FAT2: variants seen among roughly 807,000 people sequenced by gnomAD.
The protein encoded by FAT2 is protocadherin Fat 2.
In FAT2, 150 loss-of-function variants were observed where a neutral mutation model predicts 295.3. The observed-to-expected ratio is 0.51, with a 90% CI of 0.44 to 0.58. The LOEUF (loss-of-function observed/expected upper bound fraction) is 0.58. FAT2 is among the 20% of genes least tolerant of loss of function. FAT2 has a pLI of 0.00. For synonymous variants in FAT2, 2,026 were observed against 2,150.3 expected, an observed-to-expected ratio of 0.94 and a Z score of 1.60; for missense variants, 4,868 against 5,442.7, an observed-to-expected ratio of 0.89 and a Z score of 3.32.
rs1319752223 is a variant in FAT2, at chr5:151,512,622, A to G, written c.11464-16T>C. 6.3e-7 allele frequency: 1 copy of G among 1,578,916 alleles called. No homozygotes were observed. The highest frequency in any genetic ancestry group is 1.4e-5 in the African/African-American group (1 of 74,020). ...CACTGGCCAGCTGCAAAGGAAATCC[A>G]AACAGCCATCAGCAAAGCCAAGGAG... On this transcript the variant is annotated splice_polypyrimidine_tract_variant and intron_variant, in intron 20 of 23. Transcript: ENST00000261800. This position sits in a 1 kb window ranked among gnomAD's most constrained non-coding sequence, Gnocchi z 4.1.
intron 18 of FAT2, among the ~76,000 whole-genome samples, chr5:151,525,365 T>G (rs1753879551): frequency 6.6e-6 from 1 of 152,118 alleles, no homozygotes; most frequent in Non-Finnish European, 1.5e-5. Context: ...TGAGGTAGGT[T>G]GTTTTAGCTC....
At chr5:151,517,883 C>T (rs1753024136) in intron 19 of FAT2, 118 bp from the exon 20 acceptor site, 1 of 1,250,100 alleles carries the variant, frequency 8.0e-7, no homozygotes, top group African/African-American at 1.5e-5. Flanking sequence ...ATATTTTATA[C>T]ATGAAGAAAC....
intron 9 of FAT2, among the ~76,000 whole-genome samples, chr5:151,548,454 T>A (rs973711153): frequency 6.6e-6 from 1 of 152,182 alleles, no homozygotes; most frequent in African/African-American, 2.4e-5. Context: ...GGCATTTGTA[T>A]AATATTTCAA....
rs139971110 is a variant in FAT2, at chr5:151,550,596, T to C, written c.4572A>G (p.Thr1524=). The C allele has an allele frequency of 1.4e-5, 22 of 1,614,000 alleles. No individual in the cohort carries two copies. Among genetic ancestry groups the C allele is most frequent in the Non-Finnish European group, 1.9e-5 (22 of 1,179,994 alleles). The change falls in exon 8 of 24, where the codon ACA becomes ACG. Residue 1524 remains threonine (T), a synonymous_variant. Transcript: ENST00000261800. ...LGSGPSQHTL[T]VMVRDQEIPI... is the part of the protein sequence containing the mutation. ...GATTTTTCCATTTACTCACCATGAC[T>C]GTCAGTGTGTGCTGGGAGGGCCCCG...
chr5:151,538,731 G>A (rs1483955299), intron 11 of FAT2, among the ~76,000 whole-genome samples: 1 of 152,146 alleles, frequency 6.6e-6, no homozygotes, highest in Non-Finnish European at 1.5e-5. Context: ...AGGCTTGAGT[G>A]CAGTGGCACG....
intron 1 of FAT2, 143 bp from the exon 2 acceptor site, chr5:151,569,094 T>G: frequency 2.7e-6 from 2 of 743,972 alleles, no homozygotes; most frequent in Non-Finnish European, 4.3e-6. Flanking sequence ...AGCTTGGGAG[T>G]GGTGGTGCTA....
At position 151,566,615 on chromosome 5, in the gene FAT2, T is replaced by G. The variant is rs759369799; in HGVS notation, c.2317A>C (p.Thr773Pro). 1 of 1,614,178 alleles carries G rather than the reference T, an allele frequency of 6.2e-7. No individual in the cohort carries two copies. The highest frequency in any genetic ancestry group is 2.2e-5 in the East Asian group (1 of 44,886). ...TCATAGTCCAAGGGAGCAGCTACAG[T>G]GAGCAGCCCTGTCTCCAGCTCTATG... Reference protein sequence around the residue: ...FDIELETGLLTVAAPLDYEAT... With the variant: ...FDIELETGLLPVAAPLDYEAT... The change falls in exon 2 of 24, where the codon ACT (threonine) becomes CCT (proline). Residue 773 changes from threonine (T) to proline (P), a missense_variant. Around this residue, in one of 5 missense-constraint regions of FAT2, gnomAD observed 3,297 missense variants for 3,669.4 expected, o/e 0.90. Transcript: ENST00000261800.
chr5:151,586,765 T>C (rs2127664204), intron 1 of FAT2, among the ~76,000 whole-genome samples: 1 of 152,346 alleles, frequency 6.6e-6, no homozygotes, highest in Non-Finnish European at 1.5e-5. Flanking sequence ...GGTGCAATCA[T>C]ATATCTGGGA....
Position 151,551,661 on chromosome 5 carries a change from G to T in FAT2, c.4157-55C>A, listed in dbSNP as rs967722036. On this transcript the variant is annotated intron_variant, in intron 6 of 23. Transcript: ENST00000261800. ...CAACCTCAGTGATTTAGGCAGCATA[G>T]CATAAGATAGGCTTTGGTTGTCAGG... is the stretch of plus-strand genomic sequence containing the variant. 8 of 1,590,392 alleles carry T rather than the reference G, an allele frequency of 5.0e-6. No homozygotes were observed. The African/African-American group carries it at 9.4e-5, about 19-fold the overall frequency.
At chr5:151,555,991 G>A (rs1043617398) in intron 4 of FAT2, among the ~76,000 whole-genome samples, 2 of 152,204 alleles carry the variant, frequency 1.3e-5, no homozygotes, top group Non-Finnish European at 2.9e-5. Flanking sequence ...TCCTGGCTCT[G>A]CTACTGACCT....
Position 151,537,921 on chromosome 5 carries a change from T to C in FAT2, c.9065A>G (p.Glu3022Gly), listed in dbSNP as rs1755630175. The change falls in exon 12 of 24, where the codon GAA becomes GGA. Residue 3022 changes from glutamate to glycine, a missense_variant. Around this residue, in one of 5 missense-constraint regions of FAT2, gnomAD observed 1,046 missense variants for 1,210.1 expected, o/e 0.86. Transcript: ENST00000261800. ...SQLLYTGKVHEDVFPGHFILK... is the reference protein window; with the variant it reads ...SQLLYTGKVHGDVFPGHFILK... ...AATGAAGTGTCCTGGAAATACATCTTCATGAACCTTGCCAGTATAGAGAAG... is the reference window on the plus strand; with the variant it reads ...AATGAAGTGTCCTGGAAATACATCTCCATGAACCTTGCCAGTATAGAGAAG... 1 of 1,614,104 alleles carries C rather than the reference T, an allele frequency of 6.2e-7. No homozygotes were observed. The highest frequency in any genetic ancestry group is 8.5e-7 in the Non-Finnish European group (1 of 1,179,982).
intron 7 of FAT2, 151 bp downstream of exon 7, chr5:151,551,316 A>AAGT: frequency 1.3e-6 from 1 of 791,352 alleles, no homozygotes; most frequent in Non-Finnish European, 2.0e-6. Context: ...AGGATCACAG[A>AAGT]AGTAGAGAGT....
At chr5:151,554,322 A>T (rs2127629907) in intron 5 of FAT2, 40 bp downstream of exon 5, 1 of 1,574,540 alleles carries the variant, frequency 6.4e-7, no homozygotes, top group Non-Finnish European at 8.7e-7. Context: ...ACTAACCAGC[A>T]TGCCACTCCT....
In FAT2 at chr5:151,553,181, G is replaced by C. The variant is rs1757374226; in HGVS notation, c.4152C>G (p.Ile1384Met). 2.5e-6 allele frequency: 4 copies of C among 1,614,210 alleles called. No homozygotes were observed. The highest frequency in any genetic ancestry group is 3.4e-6 in the Non-Finnish European group (4 of 1,180,012). The part of the protein sequence containing the change: ...EGRPGLFWFN[I>M]SGGDKDMDFD... The stretch of plus-strand genomic sequence containing the variant: ...GGGCCCTAGGCCTTGCCTCACCTGA[G>C]ATGTTGAACCAGAAGAGTCCGGGTC... The change falls in exon 6 of 24, where the codon ATC becomes ATG. Residue 1384 changes from isoleucine to methionine, a missense_variant. Ile to Met is a conservative substitution (Grantham distance 10). Coordinates refer to ENST00000261800, the MANE Select transcript of FAT2 (RefSeq NM_001447.3).
intron 11 of FAT2, 22 bp from the exon 12 acceptor site, chr5:151,537,968 A>C: frequency 6.2e-7 from 1 of 1,611,500 alleles, no homozygotes; most frequent in Non-Finnish European, 8.5e-7. Flanking sequence ...AAGACAAAGA[A>C]GAGGGAGACT....
intron 1 of FAT2, among the ~76,000 whole-genome samples, chr5:151,587,098 T>C (rs535799723): frequency 6.6e-6 from 1 of 151,892 alleles, no homozygotes; most frequent in South Asian, 2.1e-4. Context: ...GCCAAGATCA[T>C]GTCACTGCTC....
chr5:151,556,261 C>T, intron 4 of FAT2, 83 bp downstream of exon 4: 2 of 1,172,842 alleles, frequency 1.7e-6, no homozygotes, highest in Non-Finnish European at 2.6e-6. Context: ...CCCTCCTCAG[C>T]CACAGTGCTA....
At position 151,543,499 on chromosome 5, in the gene FAT2, A is replaced by C; in HGVS notation, c.7628T>G (p.Leu2543Arg). Residue 2543 changes from leucine (L) to arginine (R), a missense_variant, in exon 10 of 24, where the codon CTG (leucine) becomes CGG (arginine). Coordinates refer to ENST00000261800, the MANE Select transcript of FAT2 (RefSeq NM_001447.3). ...TCTCTCTGTTGAATTTTCCCGATCC[A>C]GTTTCTGCAGAGTGGCAATCTGGCC... ...PNGQIATLQK[L>R]DRENSTERVI... The C allele has an allele frequency of 6.2e-7, 1 of 1,614,196 alleles. No individual in the cohort carries two copies. The highest frequency in any genetic ancestry group is 8.5e-7 in the Non-Finnish European group (1 of 1,180,030).
intron 1 of FAT2, among the ~76,000 whole-genome samples, chr5:151,577,824 C>T (rs73273993): frequency 0.019 from 2,924 of 152,050 alleles, 97 homozygotes; most frequent in African/African-American, 0.067. Context: ...GTTGTCTGTA[C>T]GGATCTATGA....
Sources: allele counts gnomAD v4.1 joint callset (sites outside exome capture counted in the v4.1 genomes callset), GRCh38; gene constraint gnomAD v4.1.1; regional missense constraint gnomAD v4.1.1; non-coding constraint Gnocchi (gnomAD v3.1); transcripts MANE v1.5; gene names NCBI Gene and HGNC (gene_info 2026-07-23, HGNC 2026-07-21).